Variants in EP300 observed in about 807,000 individuals in gnomAD.
EP300 encodes EP300 lysine acetyltransferase.
In EP300, 31 loss-of-function variants were observed where a neutral mutation model predicts 264.0. That is an observed-to-expected ratio of 0.12 (90% confidence interval 0.09 to 0.16). The LOEUF is 0.16. Ranked by LOEUF, EP300 falls within the 10% of genes least tolerant of loss-of-function variation. The pLI is 1.00. For synonymous variants in EP300, 1,340 were observed against 1,045.4 expected, an observed-to-expected ratio of 1.28 and a Z score of -5.44; for missense variants, 2,766 against 3,052.9, an observed-to-expected ratio of 0.91 and a Z score of 2.21.
intron 20 of EP300, among the ~76,000 whole-genome samples, chr22:41,161,114 T>C (rs1287268340): frequency 6.6e-6 from 1 of 152,244 alleles, no homozygotes; most frequent in African/African-American, 2.4e-5. Flanking sequence ...AACATCATTA[T>C]TAACTGTTCT....
rs751120457 is a variant in EP300, at chr22:41,177,592, C to T, written c.5881C>T (p.Pro1961Ser). The change falls in exon 31 of 31, where the codon CCC becomes TCC. Residue 1961 changes from proline to serine, a missense_variant. Transcript: ENST00000263253. Reference sequence around the variant, plus strand: ...CCAACACCAGATGCCCCCGATGACTCCCATGGCCCCCATGGGTATGAACCC... The same window carrying T: ...CCAACACCAGATGCCCCCGATGACTTCCATGGCCCCCATGGGTATGAACCC... ...PIQHQMPPMT[P>S]MAPMGMNPPP... is the part of the protein sequence containing the mutation. 6.8e-6 allele frequency: 11 copies of T among 1,614,186 alleles called. No individual in the cohort carries two copies. Among genetic ancestry groups the T allele is most frequent in the Middle Eastern group, 1.6e-4 (1 of 6,062 alleles).
chr22:41,107,162 G>A (rs923748931), intron 1 of EP300, among the ~76,000 whole-genome samples: 1 of 152,114 alleles, frequency 6.6e-6, no homozygotes, highest in African/African-American at 2.4e-5. Context: ...GCCTTCCAAA[G>A]TGCTGAGATT....
At chr22:41,104,409 C>T (rs2058747265) in intron 1 of EP300, among the ~76,000 whole-genome samples, 1 of 151,992 alleles carries the variant, frequency 6.6e-6, no homozygotes, top group African/African-American at 2.4e-5. Flanking sequence ...CCTGCCTCAG[C>T]CTCCCAAGTA....
chr22:41,151,302 C>A (rs949661367), intron 14 of EP300, among the ~76,000 whole-genome samples: 1 of 152,048 alleles, frequency 6.6e-6, no homozygotes, highest in Non-Finnish European at 1.5e-5. Context: ...AAGGATACTT[C>A]CAGAAAATAC....
chr22:41,098,464 C>T (rs2899344), intron 1 of EP300, among the ~76,000 whole-genome samples: 78,563 of 151,372 alleles, frequency 0.52, 22,958 homozygotes, highest in Admixed American at 0.72. Flanking sequence ...CTCCGCCTCC[C>T]GGGTTCAAGC....
chr22:41,171,865 G>A (rs1373220175), intron 27 of EP300, among the ~76,000 whole-genome samples: 2 of 150,370 alleles, frequency 1.3e-5, no homozygotes, highest in East Asian at 2.0e-4. Context: ...CACCTGCCTC[G>A]GCCTCCCAAA....
At chr22:41,118,636 A>G (rs2058834406) in intron 2 of EP300, among the ~76,000 whole-genome samples, 1 of 152,228 alleles carries the variant, frequency 6.6e-6, no homozygotes, top group African/African-American at 2.4e-5. Context: ...TAACAGGAAT[A>G]ATTTGAGCAG....
chr22:41,113,210 A>G (rs989682479), intron 1 of EP300, among the ~76,000 whole-genome samples: 4 of 135,538 alleles, frequency 3.0e-5, no homozygotes, highest in African/African-American at 1.1e-4. Flanking sequence ...GACATTCCAT[A>G]TCCTATATGA....
In EP300 at chr22:41,157,186, G is replaced by A. The variant is rs1408166520; in HGVS notation, c.3279G>A (p.Val1093=). The A allele has an allele frequency of 6.2e-7, 1 of 1,614,006 alleles. No homozygotes were observed. The highest frequency in any genetic ancestry group is 8.5e-7 in the Non-Finnish European group (1 of 1,180,012). ...CTTTCTAGGATTACTTTGATATTGTGAAGAGCCCCATGGATCTTTCTACCA... is the reference window on the plus strand; with the variant it reads ...CTTTCTAGGATTACTTTGATATTGTAAAGAGCCCCATGGATCTTTCTACCA... ...LLGIPDYFDI[V]KSPMDLSTIK... Residue 1093 remains valine (V), a synonymous_variant, in exon 18 of 31, where the codon GTG becomes GTA. Coordinates refer to ENST00000263253, the MANE Select transcript of EP300 (RefSeq NM_001429.4).
chr22:41,101,863 GA>G (rs2058733707), intron 1 of EP300, among the ~76,000 whole-genome samples: 1 of 152,128 alleles, frequency 6.6e-6, no homozygotes, highest in Non-Finnish European at 1.5e-5. Flanking sequence ...AAAGGAGGAA[GA>G]AGAAAAGTAG....
intron 2 of EP300, among the ~76,000 whole-genome samples, chr22:41,121,703 C>A (rs970224463): frequency 6.6e-6 from 1 of 152,116 alleles, no homozygotes; most frequent in Non-Finnish European, 1.5e-5. Flanking sequence ...GCAAGGCATG[C>A]AATCATGAAG....
At chr22:41,135,270 C>T (rs2058944127) in intron 6 of EP300, among the ~76,000 whole-genome samples, 1 of 152,288 alleles carries the variant, frequency 6.6e-6, no homozygotes, top group African/African-American at 2.4e-5. Flanking sequence ...TTGTTGTCTT[C>T]CCCTGGCCTG....
intron 29 of EP300, among the ~76,000 whole-genome samples, chr22:41,175,136 G>A (rs955285952): frequency 3.9e-5 from 6 of 152,158 alleles, no homozygotes; most frequent in African/African-American, 1.4e-4. Flanking sequence ...AGGCAGTTGG[G>A]AAAAGCCCTT....
intron 21 of EP300, among the ~76,000 whole-genome samples, chr22:41,163,030 C>G (rs574653508): frequency 6.6e-6 from 1 of 152,152 alleles, no homozygotes; most frequent in Non-Finnish European, 1.5e-5. Flanking sequence ...TGCAGTGAGG[C>G]CTTTTAGATC....
At chr22:41,169,435 A>G (rs1183868670) in intron 25 of EP300, 68 bp from the exon 26 acceptor site, 64 of 930,094 alleles carry the variant, frequency 6.9e-5, no homozygotes, top group South Asian at 2.2e-4. Context: ...TATTAGGCAC[A>G]TGGAGTAAAG....
intron 10 of EP300, among the ~76,000 whole-genome samples, chr22:41,144,019 C>G (rs778421256): frequency 1.3e-5 from 2 of 152,022 alleles, no homozygotes; most frequent in African/African-American, 4.8e-5. Context: ...AAAATAATCC[C>G]GGTTGTTAAT....
In EP300 at chr22:41,131,292, C is replaced by T. The variant is rs1022674710; in HGVS notation, c.1283-96C>T. On this transcript the variant is annotated intron_variant, in intron 5 of 30. Coordinates refer to ENST00000263253, the MANE Select transcript of EP300 (RefSeq NM_001429.4). Reference sequence around the variant, plus strand: ...CACATACTCAGATGTTTCATAATCACGTAACAATAATTTTGTGGGGTTTTT... The same window carrying T: ...CACATACTCAGATGTTTCATAATCATGTAACAATAATTTTGTGGGGTTTTT... The T allele has an allele frequency of 1.1e-5, 14 of 1,325,372 alleles. 1 individual carries two copies. The highest frequency in any genetic ancestry group is 4.7e-5 in the South Asian group (4 of 84,552). 82.1% of individuals were successfully genotyped at this position (1,325,372 alleles called of 1,614,324 possible).
intron 2 of EP300, among the ~76,000 whole-genome samples, chr22:41,122,535 C>T (rs1440835747): frequency 6.6e-6 from 1 of 152,110 alleles, no homozygotes; most frequent in African/African-American, 2.4e-5. Context: ...ATCAAACTGC[C>T]ACTTGTAAAT....
chr22:41,112,103 T>C (rs1301193623), intron 1 of EP300, among the ~76,000 whole-genome samples: 1 of 150,602 alleles, frequency 6.6e-6, no homozygotes, highest in African/African-American at 2.4e-5. Context: ...TTAGCCAGGA[T>C]GGTCTCAATC....
Sources: allele counts gnomAD v4.1 joint callset (sites outside exome capture counted in the v4.1 genomes callset), GRCh38; gene constraint gnomAD v4.1.1; transcripts MANE v1.5; gene names NCBI Gene and HGNC (gene_info 2026-07-23, HGNC 2026-07-21).